ATRNL1: variants seen among roughly 807,000 people sequenced by gnomAD.
ATRNL1 encodes attractin like 1.
In ATRNL1, 95 loss-of-function variants were observed where a neutral mutation model predicts 182.7. That is an observed-to-expected ratio of 0.52 (90% CI 0.44 to 0.62). The LOEUF (loss-of-function observed/expected upper bound fraction) is 0.62. ATRNL1 is among the 20% of genes least tolerant of loss of function. The probability of loss-of-function intolerance (pLI) is 0.00; values close to 1 mark genes in which losing one functional copy is unlikely to be tolerated. For synonymous variants in ATRNL1, 576 were observed against 568.3 expected (o/e 1.01, Z -0.19); for missense variants, 1,471 against 1,679.5 (o/e 0.88, Z 2.17).
At chr10:115,407,363 A>T (rs548056745) in intron 20 of ATRNL1, among the ~76,000 whole-genome samples, 2 of 147,808 alleles carry the variant, frequency 1.4e-5, no homozygotes, top group East Asian at 4.1e-4. Flanking sequence ...GCTTTAACAA[A>T]TCTCTCCTTA....
chr10:115,315,416 T>C, intron 17 of ATRNL1, 102 bp from the exon 18 acceptor site: 1 of 849,182 alleles, frequency 1.2e-6, no homozygotes, highest in Admixed American at 2.5e-5. Context: ...ATAGATGACC[T>C]TTCATGGTTT....
At chr10:115,246,553 CTTTT>C (rs1226864852) in intron 10 of ATRNL1, among the ~76,000 whole-genome samples, 1 of 117,926 alleles carries the variant, frequency 8.5e-6, no homozygotes, top group African/African-American at 3.4e-5. Flanking sequence ...CTCTCTCATT[CTTTT>C]TTTTTTTTTT....
chr10:115,615,148 G>T lies in ATRNL1; in HGVS notation c.3795+65612G>T, dbSNP rs78766796. ...GTGTGGTTTGGTGGTTTTCTGCAAT[G>T]ATAACATTTGATTCCTTTCTCTTTC... On this transcript the variant is annotated intron_variant, in intron 26 of 28. Coordinates refer to ENST00000355044, the MANE Select transcript of ATRNL1 (RefSeq NM_207303.4). Among the ~76,000 whole-genome samples the T allele has an allele frequency of 9.8e-3, 1,498 of 152,106 alleles. 16 individuals are homozygous for T. The highest frequency in any genetic ancestry group is 0.033 in the African/African-American group (1,377 of 41,504).
chr10:115,889,508 G>A (rs947099549), intron 28 of ATRNL1, among the ~76,000 whole-genome samples: 4 of 152,216 alleles, frequency 2.6e-5, no homozygotes, highest in Admixed American at 6.5e-5. Context: ...GTCAGTTTTT[G>A]TTATAATAGC....
At chr10:115,836,306 T>C (rs1485240474) in intron 27 of ATRNL1, among the ~76,000 whole-genome samples, 2 of 152,160 alleles carry the variant, frequency 1.3e-5, no homozygotes, top group Non-Finnish European at 2.9e-5. Context: ...ATACTTATGA[T>C]CATTTCCAAA....
chr10:115,193,239 C>T (rs782635677), intron 8 of ATRNL1, among the ~76,000 whole-genome samples: 12 of 152,028 alleles, frequency 7.9e-5, no homozygotes, highest in Middle Eastern at 6.8e-3. Context: ...TATGTTTCTT[C>T]TGTACCCAGT....
chr10:115,362,304 A>T (rs1856788276), intron 19 of ATRNL1, among the ~76,000 whole-genome samples: 1 of 152,092 alleles, frequency 6.6e-6, no homozygotes, highest in Non-Finnish European at 1.5e-5. Flanking sequence ...ATAAAAATGT[A>T]AGTTAAAAAA....
At chr10:115,572,330 A>G (rs1174159965) in intron 26 of ATRNL1, among the ~76,000 whole-genome samples, 1 of 152,102 alleles carries the variant, frequency 6.6e-6, no homozygotes, top group Non-Finnish European at 1.5e-5. Context: ...AGTTGTTTGG[A>G]CTACATAGGT....
At chr10:115,599,759 A>G (rs996634993) in intron 26 of ATRNL1, among the ~76,000 whole-genome samples, 1 of 152,150 alleles carries the variant, frequency 6.6e-6, no homozygotes, top group East Asian at 1.9e-4. Context: ...GAACTCCCAA[A>G]CACCCACTGT....
At chr10:115,228,577 C>G (rs898630640) in intron 9 of ATRNL1, among the ~76,000 whole-genome samples, 1 of 152,004 alleles carries the variant, frequency 6.6e-6, no homozygotes, top group Non-Finnish European at 1.5e-5. Context: ...TTTTCTTGGC[C>G]TATTGTTTAG....
At chr10:115,128,105 G>A (rs117979137) in intron 4 of ATRNL1, among the ~76,000 whole-genome samples, 1 of 152,264 alleles carries the variant, frequency 6.6e-6, no homozygotes, top group East Asian at 1.9e-4. Context: ...CTAAGTTTTT[G>A]TAGTCCCTAT....
At chr10:115,557,439 C>T (rs782320323) in intron 26 of ATRNL1, among the ~76,000 whole-genome samples, 5 of 151,978 alleles carry the variant, frequency 3.3e-5, no homozygotes, top group Non-Finnish European at 7.4e-5. Context: ...AAAGCAGCTA[C>T]CAATGAAGGT....
At chr10:115,431,222 C>T (rs551190791) in intron 21 of ATRNL1, among the ~76,000 whole-genome samples, 1 of 152,128 alleles carries the variant, frequency 6.6e-6, no homozygotes, top group South Asian at 2.1e-4. Flanking sequence ...GCCTGACCAA[C>T]ATGGAGAAAC....
At position 115,462,045 on chromosome 10, in the gene ATRNL1, A is replaced by C. The variant is rs1463761216; in HGVS notation, c.3417+10A>C. 4 of 1,576,940 alleles carry C rather than the reference A, an allele frequency of 2.5e-6. No individual in the cohort carries two copies. The highest frequency in any genetic ancestry group is 1.4e-5 in the African/African-American group (1 of 73,494). ...AGCAAACCCAGAACAGGTGAGGAAA[A>C]ATTGTTATCTTTTAAAGTATAATTA... is the stretch of plus-strand genomic sequence containing the variant. On this transcript the variant is annotated intron_variant, in intron 22 of 28. Transcript: ENST00000355044.
At chr10:115,784,229 A>T (rs1441791745) in intron 27 of ATRNL1, among the ~76,000 whole-genome samples, 1 of 152,138 alleles carries the variant, frequency 6.6e-6, no homozygotes, top group African/African-American at 2.4e-5. Context: ...GGCTCTTAGG[A>T]TTAAGATTTA....
At chr10:115,271,055 A>G (rs1851838548) in intron 13 of ATRNL1, among the ~76,000 whole-genome samples, 7 of 152,106 alleles carry the variant, frequency 4.6e-5, no homozygotes, top group Admixed American at 4.6e-4. Context: ...CCTCTCCTTG[A>G]TATTCTGTAA....
chr10:115,828,143 C>A (rs535549016), intron 27 of ATRNL1, among the ~76,000 whole-genome samples: 1 of 152,030 alleles, frequency 6.6e-6, no homozygotes, highest in African/African-American at 2.4e-5. Context: ...CATGGAGAAA[C>A]CTTGTCTCTA....
chr10:115,533,293 C>G (rs1165942533), intron 25 of ATRNL1, among the ~76,000 whole-genome samples: 1 of 152,016 alleles, frequency 6.6e-6, no homozygotes, highest in Non-Finnish European at 1.5e-5. Flanking sequence ...TGTTATTGGT[C>G]TATTCAGAGA....
intron 27 of ATRNL1, among the ~76,000 whole-genome samples, chr10:115,837,350 G>T (rs1026471608): frequency 4.6e-5 from 7 of 151,758 alleles, no homozygotes; most frequent in Non-Finnish European, 8.8e-5. Context: ...AGCATCCTCC[G>T]TCTACTAACA....
Sources: gnomAD v4.1 joint callset for allele counts (sites outside exome capture counted in the v4.1 genomes callset) on GRCh38, gnomAD v4.1.1 for gene constraint, MANE v1.5 for transcripts, NCBI Gene and HGNC (gene_info 2026-07-23, HGNC 2026-07-21) for gene names.